Variants in EXT2 observed in about 807,000 individuals in gnomAD.
EXT2 encodes the protein exostosin-2.
EXT2 carries 53 observed loss-of-function variants against 81.6 expected under a neutral mutation model. The observed-to-expected ratio is 0.65, with a 90% confidence interval of 0.52 to 0.82. The LOEUF (loss-of-function observed/expected upper bound fraction) is 0.82. Ranked by LOEUF, EXT2 falls within the 40% of genes least tolerant of loss-of-function variation. The probability of loss-of-function intolerance (pLI) is 0.00; values close to 1 mark genes in which losing one functional copy is unlikely to be tolerated. For synonymous variants in EXT2, 320 were observed against 340.0 expected (o/e 0.94, Z 0.65); for missense variants, 774 against 910.2 (o/e 0.85, Z 1.93).
intron 7 of EXT2, among the ~76,000 whole-genome samples, chr11:44,138,766 T>C (rs1282772233): frequency 6.6e-6 from 1 of 152,242 alleles, no homozygotes; most frequent in Non-Finnish European, 1.5e-5. Context: ...AGTCCTGCTC[T>C]GCCGGGTGTG....
intron 7 of EXT2, among the ~76,000 whole-genome samples, chr11:44,149,431 T>C (rs1954763634): frequency 6.6e-6 from 1 of 152,190 alleles, no homozygotes; most frequent in African/African-American, 2.4e-5. Context: ...ATTTCTTTTT[T>C]CTGTATCCTT....
At chr11:44,097,664 G>A (rs945004002) in intron 1 of EXT2, among the ~76,000 whole-genome samples, 2 of 151,826 alleles carry the variant, frequency 1.3e-5, no homozygotes, top group South Asian at 4.1e-4. Context: ...GGTAGCACAC[G>A]CTTGTAATCC....
At chr11:44,171,520 T>C in intron 7 of EXT2, 91 bp from the exon 8 acceptor site, 1 of 1,598,074 alleles carries the variant, frequency 6.3e-7, no homozygotes, top group Non-Finnish European at 8.6e-7. Flanking sequence ...AATAAAGGAA[T>C]TAGCCTAACC....
intron 7 of EXT2, among the ~76,000 whole-genome samples, chr11:44,134,612 C>G (rs764734043): frequency 1.3e-5 from 2 of 152,154 alleles, no homozygotes; most frequent in Non-Finnish European, 2.9e-5. Flanking sequence ...TTCCCAGTCT[C>G]CCCTGAATCA....
intron 5 of EXT2, 34 bp from the exon 6 acceptor site, chr11:44,126,781 AG>A: frequency 6.2e-7 from 1 of 1,614,090 alleles, no homozygotes. Context: ...CAGCAAAACT[AG>A]TTTGTAATCT....
intron 7 of EXT2, among the ~76,000 whole-genome samples, chr11:44,164,426 T>C (rs963305528): frequency 7.2e-5 from 11 of 152,234 alleles, no homozygotes; most frequent in African/African-American, 2.7e-4. Flanking sequence ...TTAAAATTGC[T>C]CAAGATGCTC....
intron 8 of EXT2, among the ~76,000 whole-genome samples, chr11:44,184,729 C>T (rs1005089545): frequency 9.2e-5 from 14 of 152,058 alleles, no homozygotes; most frequent in Admixed American, 2.0e-4. Context: ...CCAGCCTGGG[C>T]GACAGAGCAA....
At chr11:44,103,227 T>C (rs1954010656) in intron 1 of EXT2, among the ~76,000 whole-genome samples, 1 of 152,172 alleles carries the variant, frequency 6.6e-6, no homozygotes, top group Admixed American at 6.5e-5. Flanking sequence ...TTGGCTTTGA[T>C]ATATCTAGGT....
intron 7 of EXT2, among the ~76,000 whole-genome samples, chr11:44,140,355 A>G (rs577390909): frequency 6.6e-6 from 1 of 152,312 alleles, no homozygotes; most frequent in African/African-American, 2.4e-5. Flanking sequence ...TTAACCCTCA[A>G]TAATCCTCCC....
At chr11:44,218,843 G>A (rs1187040952) in intron 10 of EXT2, among the ~76,000 whole-genome samples, 1 of 134,882 alleles carries the variant, frequency 7.4e-6, no homozygotes, top group Non-Finnish European at 1.5e-5. Context: ...TGTTGTCCAG[G>A]CTGGAATGCA....
chr11:44,188,778 G>A (rs1333561590), intron 8 of EXT2, among the ~76,000 whole-genome samples: 1 of 152,170 alleles, frequency 6.6e-6, no homozygotes, highest in African/African-American at 2.4e-5. Flanking sequence ...TGGAAAATAT[G>A]AAGAAGTGAA....
intron 1 of EXT2, chr11:44,096,380 G>A (rs1953897121): frequency 6.8e-7 from 1 of 1,481,302 alleles, no homozygotes; most frequent in Non-Finnish European, 9.0e-7. Flanking sequence ...GGCGTGTTAG[G>A]CCGGGGACTG....
intron 1 of EXT2, chr11:44,096,337 G>A (rs1019692241): frequency 6.5e-7 from 1 of 1,534,804 alleles, no homozygotes; most frequent in Non-Finnish European, 8.7e-7. Context: ...GAAGGGGCCA[G>A]GGGCATGTTA....
intron 13 of EXT2, among the ~76,000 whole-genome samples, chr11:44,238,323 CA>C (rs1417208147): frequency 2.0e-5 from 3 of 152,168 alleles, no homozygotes; most frequent in Non-Finnish European, 4.4e-5. Flanking sequence ...GCTGGGACTA[CA>C]GGTGCGTGCC....
At chr11:44,203,291 A>G (rs569394163) in intron 9 of EXT2, among the ~76,000 whole-genome samples, 3 of 152,218 alleles carry the variant, frequency 2.0e-5, no homozygotes, top group Non-Finnish European at 4.4e-5. Context: ...TGCCTACTAC[A>G]GGGTAAAGAG....
chr11:44,166,015 G>T (rs1483581724), intron 7 of EXT2, among the ~76,000 whole-genome samples: 3 of 152,170 alleles, frequency 2.0e-5, no homozygotes, highest in African/African-American at 7.2e-5. Flanking sequence ...TGGTTGTGAA[G>T]AGCAGATGAA....
Position 44,107,804 on chromosome 11 carries a change from C to T in EXT2, c.92C>T (p.Ser31Phe). 1 of 1,614,200 alleles carries T rather than the reference C, an allele frequency of 6.2e-7. No homozygotes were observed. Among genetic ancestry groups the T allele is most frequent in the Non-Finnish European group, 8.5e-7 (1 of 1,180,042 alleles). The stretch of plus-strand genomic sequence containing the variant: ...CGAATCTACTATATCACCCTCTTCT[C>T]CATTGTCCTCCTGGGCCTCATTGCC... Reference protein sequence around the residue: ...KHRIYYITLFSIVLLGLIATG... With the variant: ...KHRIYYITLFFIVLLGLIATG... Residue 31 changes from serine (S) to phenylalanine (F), a missense_variant, in exon 2 of 14, where the codon TCC (serine) becomes TTC (phenylalanine). Physicochemically the swap from Ser to Phe is radical, Grantham distance 155. Coordinates refer to ENST00000533608, the MANE Select transcript of EXT2 (RefSeq NM_207122.2).
chr11:44,229,110 C>T (rs1246980073), intron 10 of EXT2, among the ~76,000 whole-genome samples: 1 of 152,042 alleles, frequency 6.6e-6, no homozygotes, highest in Non-Finnish European at 1.5e-5. Context: ...TCTTTAACCC[C>T]ATGAATCAGT....
intron 1 of EXT2, chr11:44,096,308 A>T: frequency 6.5e-7 from 1 of 1,535,804 alleles, no homozygotes; most frequent in Non-Finnish European, 8.7e-7. Flanking sequence ...CGGTGCCAGA[A>T]GCCGTGGGAC....
Sources: allele counts gnomAD v4.1 joint callset (sites outside exome capture counted in the v4.1 genomes callset), GRCh38; gene constraint gnomAD v4.1.1; transcripts MANE v1.5; gene names NCBI Gene and HGNC (gene_info 2026-07-23, HGNC 2026-07-21).